Variants in CTNNA3 observed in about 807,000 individuals in gnomAD.
CTNNA3 encodes the protein catenin alpha 3.
CTNNA3 carries 76 observed loss-of-function variants against 95.7 expected under a neutral mutation model. The observed-to-expected ratio is 0.79, with a 90% CI of 0.66 to 0.96. The LOEUF is 0.96. CTNNA3 is among the 40% of genes least tolerant of loss of function. The pLI is 0.00. For synonymous variants in CTNNA3, 431 were observed against 374.4 expected, an observed-to-expected ratio of 1.15 and a Z score of -1.74; for missense variants, 1,191 against 1,089.8, an observed-to-expected ratio of 1.09 and a Z score of -1.31.
At chr10:66,501,385 G>A (rs1000408225) in intron 11 of CTNNA3, among the ~76,000 whole-genome samples, 3 of 152,128 alleles carry the variant, frequency 2.0e-5, no homozygotes, top group African/African-American at 7.2e-5. Flanking sequence ...GATAGCCTTG[G>A]TGTCTTTCCC....
intron 7 of CTNNA3, among the ~76,000 whole-genome samples, chr10:66,915,700 T>TATATATATATA (rs1358327313): frequency 2.0e-5 from 3 of 148,084 alleles, no homozygotes; most frequent in Non-Finnish European, 4.4e-5. Flanking sequence ...ATTTGACATA[T>TATATATATATA]ATATATATAT....
chr10:67,564,349 T>A (rs968655484), intron 3 of CTNNA3, among the ~76,000 whole-genome samples: 1 of 149,284 alleles, frequency 6.7e-6, no homozygotes, highest in African/African-American at 2.5e-5. Context: ...TGTAGGGACA[T>A]GGATGGAGCT....
At chr10:67,732,690 G>A (rs909905952) in intron 1 of CTNNA3, among the ~76,000 whole-genome samples, 13 of 152,138 alleles carry the variant, frequency 8.5e-5, no homozygotes, top group African/African-American at 2.9e-4. Flanking sequence ...TTCTAATAGG[G>A]TATGAAATTA....
At chr10:66,758,145 A>C (rs1249753654) in intron 9 of CTNNA3, among the ~76,000 whole-genome samples, 2 of 152,158 alleles carry the variant, frequency 1.3e-5, no homozygotes, top group Non-Finnish European at 2.9e-5. Context: ...CAAATTACCT[A>C]CATGTATGAA....
chr10:66,018,894 C>T (rs181667769), intron 15 of CTNNA3, among the ~76,000 whole-genome samples: 1,911 of 129,972 alleles, frequency 0.015, 30 homozygotes, highest in African/African-American at 0.046. Context: ...ATCACATTCA[C>T]GTTTATGGTG....
At chr10:66,676,942 T>A (rs1409688632) in intron 9 of CTNNA3, among the ~76,000 whole-genome samples, 1 of 152,096 alleles carries the variant, frequency 6.6e-6, no homozygotes, top group Non-Finnish European at 1.5e-5. Context: ...CACAGTCTAG[T>A]ATGTTACAAA....
intron 7 of CTNNA3, among the ~76,000 whole-genome samples, chr10:67,143,425 TAAAAAA>T (rs61603392): frequency 1.2e-4 from 9 of 76,006 alleles, no homozygotes; most frequent in Admixed American, 4.4e-4. Context: ...GGCTCTGTCT[TAAAAAA>T]AAAAAAAAAA....
intron 7 of CTNNA3, among the ~76,000 whole-genome samples, chr10:67,081,116 C>T (rs987603391): frequency 3.9e-5 from 6 of 152,138 alleles, no homozygotes; most frequent in Non-Finnish European, 7.4e-5. Flanking sequence ...TTTCTCTCTC[C>T]TTCAGTTCTG....
intron 5 of CTNNA3, among the ~76,000 whole-genome samples, chr10:67,511,106 G>T (rs1839611878): frequency 6.6e-6 from 1 of 152,148 alleles, no homozygotes; most frequent in Non-Finnish European, 1.5e-5. Flanking sequence ...AGACAATGGG[G>T]TTTTCTAATA....
intron 5 of CTNNA3, among the ~76,000 whole-genome samples, chr10:67,358,229 T>A (rs531335361): frequency 1.2e-4 from 19 of 152,102 alleles, no homozygotes; most frequent in Non-Finnish European, 2.6e-4. Flanking sequence ...CTGGCAAAGA[T>A]ATTTTAAGCA....
chr10:66,145,035 T>C (rs1297425391), intron 13 of CTNNA3, among the ~76,000 whole-genome samples: 4 of 152,142 alleles, frequency 2.6e-5, no homozygotes, highest in African/African-American at 4.8e-5. Flanking sequence ...ATTATGCATA[T>C]ACACTATTCT....
chr10:66,221,822 G>T (rs1274264914), intron 13 of CTNNA3, among the ~76,000 whole-genome samples: 1 of 152,160 alleles, frequency 6.6e-6, no homozygotes, highest in Non-Finnish European at 1.5e-5. Context: ...GTCATGTTTA[G>T]TGTGTGTATT....
At chr10:67,130,918 C>A (rs1859969947) in intron 7 of CTNNA3, among the ~76,000 whole-genome samples, 1 of 151,922 alleles carries the variant, frequency 6.6e-6, no homozygotes, top group South Asian at 2.1e-4. Context: ...GGACAGGCAT[C>A]AAGAAGGTAA....
chr10:67,446,091 C>A (rs1195227183), intron 5 of CTNNA3, among the ~76,000 whole-genome samples: 1 of 152,138 alleles, frequency 6.6e-6, no homozygotes, highest in Admixed American at 6.5e-5. Context: ...TGCCCTCAAG[C>A]ACCTTACAAT....
At chr10:66,769,645 A>G (rs1840006292) in intron 8 of CTNNA3, among the ~76,000 whole-genome samples, 1 of 152,124 alleles carries the variant, frequency 6.6e-6, no homozygotes, top group African/African-American at 2.4e-5. Context: ...TCTCTGTGAA[A>G]TTCTCAACCC....
intron 7 of CTNNA3, among the ~76,000 whole-genome samples, chr10:67,095,974 G>A (rs148541936): frequency 0.016 from 2,434 of 151,470 alleles, 73 homozygotes; most frequent in African/African-American, 0.056. Flanking sequence ...TTTTCTTTAC[G>A]ATCTTTCAGT....
At chr10:66,251,908 C>T (rs2090568051) in intron 13 of CTNNA3, among the ~76,000 whole-genome samples, 1 of 152,164 alleles carries the variant, frequency 6.6e-6, no homozygotes, top group Non-Finnish European at 1.5e-5. Flanking sequence ...AGAGTTTAAG[C>T]AACTTGCCTA....
intron 7 of CTNNA3, among the ~76,000 whole-genome samples, chr10:67,152,040 A>C (rs922533219): frequency 6.6e-6 from 1 of 152,192 alleles, no homozygotes; most frequent in Admixed American, 6.5e-5. Flanking sequence ...CCATATTGTA[A>C]GAGTTTATAA....
At chr10:67,170,776 TA>T (rs1187709832) in intron 7 of CTNNA3, among the ~76,000 whole-genome samples, 3 of 152,042 alleles carry the variant, frequency 2.0e-5, no homozygotes, top group African/African-American at 7.2e-5. Context: ...AAAAAAAGGT[TA>T]AAAAAACCAC....
Sources: allele counts gnomAD v4.1 joint callset (sites outside exome capture counted in the v4.1 genomes callset), GRCh38; gene constraint gnomAD v4.1.1; transcripts MANE v1.5; gene names NCBI Gene and HGNC (gene_info 2026-07-23, HGNC 2026-07-21).